ZNF804A: variants seen among roughly 807,000 people sequenced by gnomAD.
ZNF804A encodes zinc finger protein 804A.
In ZNF804A, 2 loss-of-function variants were observed where a neutral mutation model predicts 16.5. That is an observed-to-expected ratio of 0.12 (90% CI 0.05 to 0.38). The LOEUF is 0.38. Ranked by LOEUF, ZNF804A falls within the 10% of genes least tolerant of loss-of-function variation. ZNF804A has a pLI of 0.99. For synonymous variants in ZNF804A, 534 were observed against 489.6 expected (o/e 1.09, Z -1.20); for missense variants, 1,473 against 1,390.7 (o/e 1.06, Z -0.94).
At chr2:184,755,360 T>C (rs1693943943) in intron 1 of ZNF804A, among the ~76,000 whole-genome samples, 2 of 151,950 alleles carry the variant, frequency 1.3e-5, no homozygotes, top group Admixed American at 1.3e-4. Flanking sequence ...TTTGTTTCTA[T>C]CTAGTCTTCT....
intron 1 of ZNF804A, among the ~76,000 whole-genome samples, chr2:184,706,545 AGGTGGC>A (rs1693033949): frequency 1.3e-5 from 2 of 152,164 alleles, no homozygotes; most frequent in Non-Finnish European, 1.5e-5. Flanking sequence ...ATTTATGGTT[AGGTGGC>A]TCAGATGACT....
At chr2:184,617,367 TA>T (rs1397489719) in intron 1 of ZNF804A, among the ~76,000 whole-genome samples, 4 of 152,062 alleles carry the variant, frequency 2.6e-5, no homozygotes, top group African/African-American at 9.6e-5. Flanking sequence ...TGCTGTTTTT[TA>T]AAACCATTGT....
intron 1 of ZNF804A, among the ~76,000 whole-genome samples, chr2:184,781,904 A>T (rs2105774112): frequency 6.6e-6 from 1 of 151,982 alleles, no homozygotes; most frequent in East Asian, 1.9e-4. Context: ...CCCATTCTGG[A>T]GGCTAAAAGA....
intron 1 of ZNF804A, among the ~76,000 whole-genome samples, chr2:184,824,137 G>A (rs1320020922): frequency 6.6e-6 from 1 of 152,058 alleles, no homozygotes; most frequent in Non-Finnish European, 1.5e-5. Context: ...AAAACTTCTA[G>A]TAGCCTATAA....
At chr2:184,863,090 A>T (rs1215977842) in intron 1 of ZNF804A, among the ~76,000 whole-genome samples, 1 of 152,158 alleles carries the variant, frequency 6.6e-6, no homozygotes, top group East Asian at 1.9e-4. Context: ...ATAAATCAAG[A>T]TTGATCCTGA....
chr2:184,653,853 G>A (rs1477269586), intron 1 of ZNF804A, among the ~76,000 whole-genome samples: 1 of 152,192 alleles, frequency 6.6e-6, no homozygotes, highest in Non-Finnish European at 1.5e-5. Flanking sequence ...ATTATTGGAA[G>A]CTTCTGATTA....
chr2:184,870,405 T>C (rs1329921121), intron 2 of ZNF804A, among the ~76,000 whole-genome samples: 1 of 152,064 alleles, frequency 6.6e-6, no homozygotes, highest in African/African-American at 2.4e-5. Flanking sequence ...GTATCAGAGA[T>C]ATTCAACTTA....
chr2:184,862,637 A>G (rs1213736839), intron 1 of ZNF804A, among the ~76,000 whole-genome samples: 3 of 151,284 alleles, frequency 2.0e-5, no homozygotes, highest in Non-Finnish European at 2.9e-5. Context: ...CTTTTATCAT[A>G]GTTTTGTAAC....
intron 1 of ZNF804A, among the ~76,000 whole-genome samples, chr2:184,795,224 C>T (rs62176258): frequency 0.14 from 21,673 of 151,814 alleles, 1,676 homozygotes; most frequent in Middle Eastern, 0.24. Context: ...AAGCACTCTC[C>T]CAGACGACAG....
At chr2:184,738,813 A>G (rs747486951) in intron 1 of ZNF804A, among the ~76,000 whole-genome samples, 11 of 152,374 alleles carry the variant, frequency 7.2e-5, no homozygotes, top group Non-Finnish European at 1.5e-4. Flanking sequence ...AGACGTCTAC[A>G]AAGCATATAA....
chr2:184,886,952 T>A (rs1481531456), intron 2 of ZNF804A, among the ~76,000 whole-genome samples: 1 of 152,246 alleles, frequency 6.6e-6, no homozygotes, highest in Non-Finnish European at 1.5e-5. Flanking sequence ...TCTTTGCTAC[T>A]TAAACAAATT....
chr2:184,811,926 T>C (rs1273818811), intron 1 of ZNF804A, among the ~76,000 whole-genome samples: 2 of 152,160 alleles, frequency 1.3e-5, no homozygotes, highest in Non-Finnish European at 2.9e-5. Context: ...GTTGTTATTA[T>C]TTTAGAAAAG....
chr2:184,829,528 T>C (rs1057050537), intron 1 of ZNF804A, among the ~76,000 whole-genome samples: 3 of 152,014 alleles, frequency 2.0e-5, no homozygotes, highest in African/African-American at 7.2e-5. Flanking sequence ...CTAAAGATGA[T>C]ACTTATTTCT....
At chr2:184,838,517 T>A (rs1392435260) in intron 1 of ZNF804A, among the ~76,000 whole-genome samples, 1 of 152,184 alleles carries the variant, frequency 6.6e-6, no homozygotes, top group Non-Finnish European at 1.5e-5. Flanking sequence ...AGGAAATTTC[T>A]TTATTTTGCT....
chr2:184,617,395 A>G (rs1691345086), intron 1 of ZNF804A, among the ~76,000 whole-genome samples: 1 of 151,996 alleles, frequency 6.6e-6, no homozygotes, highest in Admixed American at 6.6e-5. Flanking sequence ...TAACAAAGCA[A>G]ATGATTGAGA....
intron 1 of ZNF804A, among the ~76,000 whole-genome samples, chr2:184,626,917 G>C (rs549681552): frequency 6.6e-6 from 1 of 152,122 alleles, no homozygotes; most frequent in Non-Finnish European, 1.5e-5. Context: ...GGACTTTCAC[G>C]TAACAGCAGA....
chr2:184,710,448 A>T (rs1300526038), intron 1 of ZNF804A, among the ~76,000 whole-genome samples: 2 of 151,588 alleles, frequency 1.3e-5, no homozygotes, highest in African/African-American at 4.8e-5. Context: ...CCACATTCTG[A>T]AAGCAAATAC....
intron 1 of ZNF804A, among the ~76,000 whole-genome samples, chr2:184,829,519 T>A (rs1695224846): frequency 6.6e-6 from 1 of 151,998 alleles, no homozygotes; most frequent in Non-Finnish European, 1.5e-5. Flanking sequence ...TTTACCCTCC[T>A]AAAGATGATA....
chr2:184,672,292 T>C (rs1431428157), intron 1 of ZNF804A, among the ~76,000 whole-genome samples: 1 of 152,224 alleles, frequency 6.6e-6, no homozygotes, highest in Non-Finnish European at 1.5e-5. Context: ...AATGAGAAAC[T>C]GTAGATGACT....
Sources: allele counts gnomAD v4.1 joint callset (sites outside exome capture counted in the v4.1 genomes callset), GRCh38; gene constraint gnomAD v4.1.1; transcripts MANE v1.5; gene names NCBI Gene and HGNC (gene_info 2026-07-23, HGNC 2026-07-21).